Variants in JCAD observed in about 807,000 individuals in gnomAD.
The protein encoded by JCAD is junctional cadherin 5 associated.
A neutral mutation model predicts 98.0 loss-of-function variants in JCAD; 40 were observed. The observed-to-expected ratio is 0.41, with a 90% CI of 0.32 to 0.53. The LOEUF (loss-of-function observed/expected upper bound fraction) is 0.53. JCAD is among the 20% of genes least tolerant of loss of function. JCAD has a pLI of 0.31. For synonymous variants in JCAD, 691 were observed against 682.3 expected, an observed-to-expected ratio of 1.01 and a Z score of -0.20; for missense variants, 1,705 against 1,738.1, an observed-to-expected ratio of 0.98 and a Z score of 0.34.
upstream of JCAD, among the ~76,000 whole-genome samples, chr10:30,063,481 C>T (rs1276948306): frequency 6.6e-6 from 1 of 152,200 alleles, no homozygotes. Context: ...ACCCTCCTCC[C>T]TCCCTGCTTT....
intron 2 of JCAD, among the ~76,000 whole-genome samples, chr10:30,032,965 A>T (rs1837034110): frequency 6.6e-6 from 1 of 152,244 alleles, no homozygotes; most frequent in African/African-American, 2.4e-5. Flanking sequence ...GGTGTTAAGT[A>T]ACTTGCTTAA....
intron 2 of JCAD, among the ~76,000 whole-genome samples, chr10:30,067,880 G>A (rs1837813146): frequency 6.6e-6 from 1 of 152,158 alleles, no homozygotes; most frequent in East Asian, 1.9e-4. Context: ...TAGGCTACGT[G>A]CTATAGCCTA....
rs1360510788 is a variant in JCAD at position 30,013,317 on chromosome 10, G to A, written c.*4566C>T. ...AGAGCAAGACCCTGTTTCAAGGGGG[G>A]GAAAAAAAGTTTCTTTGGAGTTGCA... On this transcript the variant is annotated 3_prime_UTR_variant, in exon 4 of 4. Coordinates refer to ENST00000375377, the MANE Select transcript of JCAD (RefSeq NM_020848.4). The A allele has an allele frequency of 7.4e-6, 1 of 135,466 alleles. No individual in the cohort carries two copies. The highest frequency in any genetic ancestry group is 1.7e-5 in the Non-Finnish European group (1 of 59,116). 8.4% of individuals were successfully genotyped at this position (135,466 alleles called of 1,614,324 possible). A position where few individuals can be genotyped will look rare whatever the true frequency, so the allele number is the denominator to read the frequency against.
intron 1 of JCAD, among the ~76,000 whole-genome samples, chr10:30,052,972 C>T (rs1345459962): frequency 3.3e-5 from 5 of 152,092 alleles, no homozygotes; most frequent in Non-Finnish European, 5.9e-5. Flanking sequence ...TCAACCAGAA[C>T]TTTTTTCCTT....
intron 2 of JCAD, among the ~76,000 whole-genome samples, chr10:30,033,559 A>C (rs1055122750): frequency 3.3e-5 from 5 of 151,962 alleles, no homozygotes; most frequent in Admixed American, 6.6e-5. Context: ...TTTCCCCATA[A>C]CTTCTCACTA....
At chr10:30,040,415 A>G (rs1680766078) in intron 2 of JCAD, among the ~76,000 whole-genome samples, 2 of 152,216 alleles carry the variant, frequency 1.3e-5, no homozygotes, top group South Asian at 4.1e-4. Context: ...GGCATGTCAG[A>G]TTTTTACCAT....
intron 2 of JCAD, among the ~76,000 whole-genome samples, chr10:30,036,496 C>A (rs1837114890): frequency 6.6e-6 from 1 of 152,012 alleles, no homozygotes; most frequent in African/African-American, 2.4e-5. Context: ...ATGCCTGTAA[C>A]CACTGGCTCA....
chr10:30,042,389 T>C (rs939653867), intron 2 of JCAD, among the ~76,000 whole-genome samples: 2 of 147,346 alleles, frequency 1.4e-5, no homozygotes, highest in Non-Finnish European at 2.9e-5. Flanking sequence ...GGAGACACCC[T>C]AACCCAGTAC....
chr10:30,065,046 A>G (rs1195921114), intron 2 of JCAD, among the ~76,000 whole-genome samples: 1 of 152,220 alleles, frequency 6.6e-6, no homozygotes, highest in African/African-American at 2.4e-5. Context: ...TAGTGGTTAC[A>G]CAGAAACTGG....
intron 2 of JCAD, among the ~76,000 whole-genome samples, chr10:30,037,651 A>G (rs1460584847): frequency 1.3e-5 from 2 of 152,200 alleles, no homozygotes; most frequent in Non-Finnish European, 2.9e-5. Flanking sequence ...TTATTAAAAA[A>G]AAATACACAA....
At chr10:30,066,635 G>A (rs1326136499) in intron 2 of JCAD, among the ~76,000 whole-genome samples, 2 of 152,224 alleles carry the variant, frequency 1.3e-5, no homozygotes, top group African/African-American at 4.8e-5. Flanking sequence ...TCCAGACGTG[G>A]GCACCCCTTG....
rs554587601 is a variant in JCAD, at chr10:30,027,647, T to C, written c.2501A>G (p.Gln834Arg). 6.2e-7 allele frequency: 1 copy of C among 1,614,258 alleles called. No individual in the cohort carries two copies. Among genetic ancestry groups the C allele is most frequent in the Non-Finnish European group, 8.5e-7 (1 of 1,180,044 alleles). The change falls in exon 3 of 4, where the codon CAG (glutamine) becomes CGG (arginine). Residue 834 changes from glutamine (Q) to arginine (R), a missense_variant. Gln to Arg is a conservative substitution (Grantham distance 43). This residue lies in a region of JCAD where 1,278 missense variants were observed against 1,243.1 expected (regional missense o/e 1.03). Transcript: ENST00000375377. ...VSRRPWDLIS[Q>R]LESFNKELQE... ...GAGCTCCTTGTTAAAACTTTCTAACTGACTGATCAAATCCCAGGGACGACG... is the reference window on the plus strand; with the variant it reads ...GAGCTCCTTGTTAAAACTTTCTAACCGACTGATCAAATCCCAGGGACGACG...
chr10:30,047,553 G>A lies in JCAD; in HGVS notation c.260C>T (p.Ala87Val), dbSNP rs1837368082. Residue 87 changes from alanine (A) to valine (V), a missense_variant, in exon 2 of 4, where the codon GCT (alanine) becomes GTT (valine). Physicochemically the swap from Ala to Val is moderately conservative, Grantham distance 64 (BLOSUM62 0). Coordinates refer to ENST00000375377, the MANE Select transcript of JCAD (RefSeq NM_020848.4). The stretch of plus-strand genomic sequence containing the variant: ...TTACCCCGCCTCCGAGGTTCTGGAA[G>A]CAGAAGTGCTCTGGGGCTCCCCGTG... The part of the protein sequence containing the change: ...RGHGEPQSTS[A>V]SRTSEAGFCN... 6.2e-7 allele frequency: 1 copy of A among 1,613,082 alleles called. No individual in the cohort carries two copies. Among genetic ancestry groups the A allele is most frequent in the Non-Finnish European group, 8.5e-7 (1 of 1,179,754 alleles).
chr10:30,045,182 G>GC (rs1837310783), intron 2 of JCAD, among the ~76,000 whole-genome samples: 1 of 152,126 alleles, frequency 6.6e-6, no homozygotes, highest in South Asian at 2.1e-4. Context: ...AAAGTCCTGA[G>GC]CGAGTTGTGG....
At chr10:30,060,151 C>A (rs1430433570), upstream of JCAD, among the ~76,000 whole-genome samples, 1 of 152,006 alleles carries the variant, frequency 6.6e-6, no homozygotes, top group Non-Finnish European at 1.5e-5. Flanking sequence ...CCACATAACA[C>A]ATCGATATTA....
chr10:30,027,452 G>C lies in JCAD; in HGVS notation c.2696C>G (p.Pro899Arg), dbSNP rs780054400. 1 of 1,604,804 alleles carries C rather than the reference G, an allele frequency of 6.2e-7. No individual in the cohort carries two copies. Among genetic ancestry groups the C allele is most frequent in the Non-Finnish European group, 8.5e-7 (1 of 1,179,968 alleles). ...RVEPQPRMWV[P>R]ESPVCRSGRG... The stretch of plus-strand genomic sequence containing the variant: ...TCCCGACCTACACACAGGGCTCTCC[G>C]GCACCCACATCCTCGGCTGTGGCTC... Residue 899 changes from proline (P) to arginine (R), a missense_variant, in exon 3 of 4, where the codon CCG (proline) becomes CGG (arginine). By Grantham distance (103) the Pro-to-Arg change is moderately radical. Around this residue, in one of 3 missense-constraint regions of JCAD, gnomAD observed 1,278 missense variants for 1,243.1 expected, o/e 1.03. Coordinates refer to ENST00000375377, the MANE Select transcript of JCAD (RefSeq NM_020848.4).
chr10:30,056,321 C>A (rs1837569315), intron 1 of JCAD, among the ~76,000 whole-genome samples: 1 of 152,092 alleles, frequency 6.6e-6, no homozygotes, highest in African/African-American at 2.4e-5. Flanking sequence ...TAAATTATTT[C>A]ATATGATCTT....
Position 30,026,188 on chromosome 10 carries a change from C to T in JCAD, c.3960G>A (p.Val1320=). The T allele has an allele frequency of 6.2e-7, 1 of 1,614,178 alleles. No individual in the cohort carries two copies. ...RAQRLGHSLS[V]SKDSISREEK... The stretch of plus-strand genomic sequence containing the variant: ...CTTCCCTGGAGATGCTGTCCTTGGA[C>T]ACAGAGAGTGAGTGGCCCAATCTCT... The change falls in exon 3 of 4, where the codon GTG becomes GTA. Residue 1320 remains valine (V), a synonymous_variant. Transcript: ENST00000375377.
chr10:30,085,851 T>C (rs927140703), intron 1 of JCAD, among the ~76,000 whole-genome samples: 7 of 152,234 alleles, frequency 4.6e-5, no homozygotes, highest in Non-Finnish European at 1.0e-4. Flanking sequence ...CACATCTGCA[T>C]AGCAGGAATG....
Sources: gnomAD v4.1 joint callset for allele counts (sites outside exome capture counted in the v4.1 genomes callset) on GRCh38, gnomAD v4.1.1 for gene constraint, gnomAD v4.1.1 regional missense constraint, MANE v1.5 for transcripts, NCBI Gene and HGNC (gene_info 2026-07-23, HGNC 2026-07-21) for gene names.